Variants in BABAM2 observed in about 807,000 individuals in gnomAD.
The protein encoded by BABAM2 is BRISC and BRCA1-A complex member 2.
Under a neutral mutation model 54.7 loss-of-function variants are expected in BABAM2, and 31 were observed. That is an observed-to-expected ratio of 0.57 (90% CI 0.43 to 0.77). The LOEUF is 0.77. Among genes scored for constraint, BABAM2 ranks in the 30% least tolerant of loss-of-function variants. The pLI, the probability that BABAM2 is intolerant of heterozygous loss-of-function variation, is 0.00. For missense variants in BABAM2, 364 were observed against 455.8 expected (o/e 0.80, Z 1.83); for synonymous variants, 167 against 162.9 (o/e 1.03, Z -0.19).
At chr2:27,976,869 G>T (rs12465103) in intron 3 of BABAM2, among the ~76,000 whole-genome samples, 2 of 151,990 alleles carry the variant, frequency 1.3e-5, no homozygotes, top group African/African-American at 4.8e-5. Context: ...ATTAGGTGTG[G>T]TCCGAAGTCT....
At chr2:28,237,768 C>G (rs149556463) in intron 8 of BABAM2, among the ~76,000 whole-genome samples, 106 of 152,336 alleles carry the variant, frequency 7.0e-4, no homozygotes, top group African/African-American at 2.3e-3. Flanking sequence ...TTTTAATAGT[C>G]AGCCTTTGAT....
At chr2:28,214,351 A>G (rs1243562896) in intron 7 of BABAM2, among the ~76,000 whole-genome samples, 2 of 152,206 alleles carry the variant, frequency 1.3e-5, no homozygotes, top group Non-Finnish European at 2.9e-5. Context: ...GCAAATAAAA[A>G]TGATATTACA....
intron 11 of BABAM2, among the ~76,000 whole-genome samples, chr2:28,330,295 C>T (rs1363557014): frequency 2.6e-5 from 4 of 152,162 alleles, no homozygotes; most frequent in Admixed American, 1.3e-4. Context: ...CCCTCTCTCA[C>T]CACTCCTATT....
chr2:28,267,432 CACACAT>C (rs1011614272), intron 10 of BABAM2, among the ~76,000 whole-genome samples: 8 of 144,350 alleles, frequency 5.5e-5, no homozygotes, highest in African/African-American at 2.2e-4. Context: ...TAGACACACA[CACACAT>C]ACACACACAC....
intron 3 of BABAM2, among the ~76,000 whole-genome samples, chr2:27,950,906 C>T (rs942309025): frequency 6.6e-6 from 1 of 152,058 alleles, no homozygotes; most frequent in South Asian, 2.1e-4. Context: ...TTGTCCATTT[C>T]ATCTAAGTTG....
At chr2:28,228,915 G>C (rs548934857) in intron 7 of BABAM2, among the ~76,000 whole-genome samples, 2 of 152,222 alleles carry the variant, frequency 1.3e-5, no homozygotes, top group South Asian at 4.2e-4. Flanking sequence ...ACTTGGTTAG[G>C]GTTCATGCCA....
At chr2:28,338,140 C>T (rs1213314512) in intron 11 of BABAM2, among the ~76,000 whole-genome samples, 1 of 152,218 alleles carries the variant, frequency 6.6e-6, no homozygotes, top group African/African-American at 2.4e-5. Context: ...GTAGCTTGGA[C>T]CAGGCCCTTG....
chr2:27,950,734 T>C (rs960361632), intron 3 of BABAM2, among the ~76,000 whole-genome samples: 1 of 152,174 alleles, frequency 6.6e-6, no homozygotes, highest in Non-Finnish European at 1.5e-5. Flanking sequence ...TATTTCTTCC[T>C]TAAATGTTTG....
At chr2:27,980,676 A>C (rs1427170019) in intron 3 of BABAM2, among the ~76,000 whole-genome samples, 1 of 152,070 alleles carries the variant, frequency 6.6e-6, no homozygotes, top group Non-Finnish European at 1.5e-5. Flanking sequence ...TATTTATATA[A>C]TGTTTTTATT....
intron 7 of BABAM2, among the ~76,000 whole-genome samples, chr2:28,146,934 A>C (rs1165918131): frequency 6.6e-6 from 1 of 152,158 alleles, no homozygotes; most frequent in Admixed American, 6.5e-5. Flanking sequence ...GAATAACCTA[A>C]ACCTGAAATT....
At chr2:28,243,580 G>A (rs1346982737) in intron 9 of BABAM2, among the ~76,000 whole-genome samples, 4 of 151,974 alleles carry the variant, frequency 2.6e-5, no homozygotes, top group Non-Finnish European at 5.9e-5. Flanking sequence ...AGTGGCAGGT[G>A]CCTGTAATCC....
intron 6 of BABAM2, among the ~76,000 whole-genome samples, chr2:28,099,588 A>C (rs1449693025): frequency 6.6e-6 from 1 of 152,132 alleles, no homozygotes; most frequent in Non-Finnish European, 1.5e-5. Context: ...TTTTCTATTT[A>C]CTAGGGTTTT....
At chr2:28,002,496 A>C (rs893858848) in intron 4 of BABAM2, among the ~76,000 whole-genome samples, 1 of 152,118 alleles carries the variant, frequency 6.6e-6, no homozygotes, top group Non-Finnish European at 1.5e-5. Flanking sequence ...TTTTGCAATA[A>C]AGTTTTTTTT....
At chr2:28,039,959 CA>C (rs70953900) in intron 5 of BABAM2, among the ~76,000 whole-genome samples, 137,156 of 150,012 alleles carry the variant, frequency 0.91, 62,931 homozygotes, top group East Asian at 1. Flanking sequence ...CAAGGACTGA[CA>C]AAAAAAAAAA....
At chr2:28,270,814 G>A (rs898325051) in intron 10 of BABAM2, among the ~76,000 whole-genome samples, 2 of 152,196 alleles carry the variant, frequency 1.3e-5, no homozygotes, top group Admixed American at 6.5e-5. Flanking sequence ...AGATCCCACA[G>A]GTGGTAAATG....
chr2:28,187,162 A>G (rs1676398487), intron 7 of BABAM2, among the ~76,000 whole-genome samples: 1 of 152,166 alleles, frequency 6.6e-6, no homozygotes. Context: ...TGCTACTGCA[A>G]CTATGGTATG....
intron 6 of BABAM2, among the ~76,000 whole-genome samples, chr2:28,049,809 T>C (rs1252147811): frequency 6.6e-6 from 1 of 152,184 alleles, no homozygotes; most frequent in Non-Finnish European, 1.5e-5. Context: ...GTTGTGAATA[T>C]GTAACTATGC....
intron 7 of BABAM2, among the ~76,000 whole-genome samples, chr2:28,180,288 A>G (rs1041310626): frequency 3.3e-5 from 5 of 152,194 alleles, no homozygotes; most frequent in Admixed American, 2.0e-4. Context: ...ATGGAACAAT[A>G]TAAAGAATCT....
intron 6 of BABAM2, among the ~76,000 whole-genome samples, chr2:28,053,278 T>C (rs1371234547): frequency 6.6e-6 from 1 of 152,222 alleles, no homozygotes; most frequent in Non-Finnish European, 1.5e-5. Flanking sequence ...TCACACTTAA[T>C]AGTCAGCTTT....
Sources: gnomAD v4.1 joint callset for allele counts (sites outside exome capture counted in the v4.1 genomes callset) on GRCh38, gnomAD v4.1.1 for gene constraint, MANE v1.5 for transcripts, NCBI Gene and HGNC (gene_info 2026-07-23, HGNC 2026-07-21) for gene names.